Variants in TYW1B observed in about 807,000 individuals in gnomAD.
TYW1B encodes tRNA-yW synthesizing protein 1 homolog B.
Under a neutral mutation model 86.9 loss-of-function variants are expected in TYW1B, and 73 were observed. The observed-to-expected ratio is 0.84, with a 90% CI of 0.70 to 1.02. The LOEUF (loss-of-function observed/expected upper bound fraction) is 1.02. Ranked by LOEUF, TYW1B falls within the 50% of genes least tolerant of loss-of-function variation. The pLI, the probability that TYW1B is intolerant of heterozygous loss-of-function variation, is 0.00. For synonymous variants in TYW1B, 248 were observed against 292.8 expected, an observed-to-expected ratio of 0.85 and a Z score of 1.56; for missense variants, 637 against 827.4, an observed-to-expected ratio of 0.77 and a Z score of 2.82.
intron 11 of TYW1B, among the ~76,000 whole-genome samples, chr7:72,694,413 T>G (rs575743505): frequency 6.6e-6 from 1 of 152,334 alleles, no homozygotes; most frequent in South Asian, 2.1e-4. Context: ...GGAGTATATA[T>G]ACCCCTCTCC....
At chr7:72,819,386 T>C (rs1240688788) in intron 2 of TYW1B, among the ~76,000 whole-genome samples, 1 of 152,174 alleles carries the variant, frequency 6.6e-6, no homozygotes, top group African/African-American at 2.4e-5. Context: ...TCAGAAAGAC[T>C]GTCTTAGTCC....
At position 72,615,058 on chromosome 7, in the gene TYW1B, A is replaced by G. The variant is rs149352734; in HGVS notation, c.1785+1614T>C. ...AGATTTGTGCCAAGTCTACTTTTCA[A>G]TTAACCCTGTGGCTTTCCATTCTTC... On this transcript the variant is annotated intron_variant, in intron 13 of 13. Transcript: ENST00000620995. Among the ~76,000 whole-genome samples the G allele has an allele frequency of 9.6e-4, 147 of 152,342 alleles. 3 individuals carry two copies. In the East Asian group the frequency reaches 0.022, roughly 22 times the overall value.
intron 8 of TYW1B, among the ~76,000 whole-genome samples, chr7:72,737,384 C>T (rs13306925): frequency 6.6e-6 from 1 of 152,132 alleles, no homozygotes; most frequent in Non-Finnish European, 1.5e-5. Context: ...ATGTGTTAAT[C>T]ATACTGTTTG....
intron 8 of TYW1B, among the ~76,000 whole-genome samples, chr7:72,743,802 C>T (rs1282793985): frequency 1.3e-5 from 2 of 150,796 alleles, no homozygotes; most frequent in African/African-American, 4.9e-5. Context: ...CGAGATGACG[C>T]CACTGCCCTC....
At chr7:72,621,539 G>A (rs1476305531) in intron 12 of TYW1B, among the ~76,000 whole-genome samples, 3 of 152,094 alleles carry the variant, frequency 2.0e-5, no homozygotes, top group South Asian at 2.1e-4. Flanking sequence ...TGGCTAAACC[G>A]ACCCATCATT....
chr7:72,720,202 A>G (rs1298532526), intron 9 of TYW1B, among the ~76,000 whole-genome samples: 1 of 152,206 alleles, frequency 6.6e-6, no homozygotes, highest in African/African-American at 2.4e-5. Context: ...TGATTTCTAC[A>G]AAGTGTTTGG....
At position 72,694,651 on chromosome 7, in the gene TYW1B, G is replaced by T. The variant is rs782403210; in HGVS notation, c.1506+36C>A. The T allele has an allele frequency of 3.2e-6, 5 of 1,581,602 alleles. No homozygotes were observed. In the South Asian group the frequency reaches 4.7e-5, roughly 15 times the overall value. On this transcript the variant is annotated intron_variant, in intron 11 of 13. Coordinates refer to ENST00000620995, the MANE Select transcript of TYW1B (RefSeq NM_001145440.3). ...TCTTAACTTCAGTACACACCTGAGGGTTGTTTATTTATTTTTAAGATGTCA... is the reference window on the plus strand; with the variant it reads ...TCTTAACTTCAGTACACACCTGAGGTTTGTTTATTTATTTTTAAGATGTCA...
intron 7 of TYW1B, among the ~76,000 whole-genome samples, chr7:72,770,817 C>T (rs2129571883): frequency 6.6e-6 from 1 of 152,144 alleles, no homozygotes; most frequent in Admixed American, 6.6e-5. Context: ...CAATGGCATA[C>T]TACTGAGCAA....
chr7:72,787,351 T>C (rs1418669376), intron 6 of TYW1B, among the ~76,000 whole-genome samples: 1 of 151,802 alleles, frequency 6.6e-6, no homozygotes, highest in African/African-American at 2.4e-5. Flanking sequence ...TAATCCTAGC[T>C]ACTCGGGAGG....
chr7:72,623,005 G>A (rs1554438246), intron 12 of TYW1B, among the ~76,000 whole-genome samples: 1 of 152,170 alleles, frequency 6.6e-6, no homozygotes, highest in African/African-American at 2.4e-5. Flanking sequence ...ACTCACAAAA[G>A]AGAAACTGCA....
At chr7:72,663,195 G>C (rs1354210690) in intron 11 of TYW1B, among the ~76,000 whole-genome samples, 6 of 151,418 alleles carry the variant, frequency 4.0e-5, no homozygotes, top group Non-Finnish European at 7.4e-5. Flanking sequence ...GGGGGGTTGT[G>C]GGGGGGTTGG....
intron 12 of TYW1B, among the ~76,000 whole-genome samples, chr7:72,623,393 T>C (rs1554438299): frequency 2.0e-5 from 3 of 152,134 alleles, no homozygotes; most frequent in Admixed American, 1.3e-4. Flanking sequence ...ACCATAATAC[T>C]AAATTTGAAT....
chr7:72,617,072 G>C (rs1409923090), intron 12 of TYW1B, among the ~76,000 whole-genome samples: 2 of 152,216 alleles, frequency 1.3e-5, no homozygotes, highest in African/African-American at 4.8e-5. Flanking sequence ...TGGGGCTTAA[G>C]TACCTGCGCT....
chr7:72,799,471 C>CTT, intron 6 of TYW1B, among the ~76,000 whole-genome samples: 1 of 146,842 alleles, frequency 6.8e-6, no homozygotes. Context: ...TCAGGTCTGC[C>CTT]TTTTTTTCTT....
chr7:72,667,177 A>G (rs2129569603), intron 11 of TYW1B, among the ~76,000 whole-genome samples: 1 of 152,260 alleles, frequency 6.6e-6, no homozygotes, highest in South Asian at 2.1e-4. Context: ...CAGGATGGGA[A>G]AGTGGCCTCT....
chr7:72,591,544 C>A (rs1811395483), intron 13 of TYW1B, among the ~76,000 whole-genome samples: 1 of 151,920 alleles, frequency 6.6e-6, no homozygotes, highest in Non-Finnish European at 1.5e-5. Flanking sequence ...GTTTAAAGTG[C>A]TGAAAGAAAA....
At chr7:72,611,420 G>T (rs1811928940) in intron 13 of TYW1B, among the ~76,000 whole-genome samples, 2 of 152,054 alleles carry the variant, frequency 1.3e-5, no homozygotes, top group African/African-American at 4.8e-5. Context: ...CTGAATCATG[G>T]GGTGGTTTCC....
Position 72,683,565 on chromosome 7 carries a change from G to A in TYW1B, c.1506+11122C>T, listed in dbSNP as rs138454739. Among the ~76,000 whole-genome samples, 242 of 152,076 alleles carry A rather than the reference G, an allele frequency of 1.6e-3. 1 individual carries two copies. The highest frequency in any genetic ancestry group is 5.4e-3 in the African/African-American group (226 of 41,490). Reference sequence around the variant, plus strand: ...AGCCTGAGTGACAGAGCAAGACTCCGACTCAAAACAAAACAAAACAAAACA... The same window carrying A: ...AGCCTGAGTGACAGAGCAAGACTCCAACTCAAAACAAAACAAAACAAAACA... On this transcript the variant is annotated intron_variant, in intron 11 of 13. Coordinates refer to ENST00000620995, the MANE Select transcript of TYW1B (RefSeq NM_001145440.3).
At chr7:72,732,420 T>C (rs1585938761) in intron 8 of TYW1B, among the ~76,000 whole-genome samples, 2 of 152,170 alleles carry the variant, frequency 1.3e-5, no homozygotes, top group Non-Finnish European at 2.9e-5. Context: ...ATCAAGTATG[T>C]TTTTGGACAA....
Sources: allele counts gnomAD v4.1 joint callset (sites outside exome capture counted in the v4.1 genomes callset), GRCh38; gene constraint gnomAD v4.1.1; transcripts MANE v1.5; gene names NCBI Gene and HGNC (gene_info 2026-07-23, HGNC 2026-07-21).